Variants in ITPR1 observed in about 807,000 individuals in gnomAD.
The protein encoded by ITPR1 is inositol 1,4,5-trisphosphate-gated calcium channel ITPR1.
Under a neutral mutation model 318.4 loss-of-function variants are expected in ITPR1, and 96 were observed. The observed-to-expected ratio is 0.30, with a 90% CI of 0.26 to 0.36. The LOEUF is 0.36. Ranked by LOEUF, ITPR1 falls within the 10% of genes least tolerant of loss-of-function variation. ITPR1 has a pLI of 1.00. For synonymous variants in ITPR1, 1,312 were observed against 1,289.9 expected (o/e 1.02, Z -0.37); for missense variants, 2,440 against 3,460.2 (o/e 0.71, Z 7.40).
At chr3:4,533,251 C>T (rs60515829) in intron 4 of ITPR1, among the ~76,000 whole-genome samples, 1,599 of 152,336 alleles carry the variant, frequency 0.01, 24 homozygotes, top group African/African-American at 0.037. Context: ...CTTTCTAAGT[C>T]AAGGCTTGCC....
At chr3:4,596,477 G>C (rs1285201635) in intron 4 of ITPR1, among the ~76,000 whole-genome samples, 2 of 152,156 alleles carry the variant, frequency 1.3e-5, no homozygotes, top group African/African-American at 4.8e-5. Flanking sequence ...CTTATTTAAA[G>C]CTAGCACGGT....
At chr3:4,750,779 CACACCT>C (rs2044446165) in intron 44 of ITPR1, 1 of 151,604 alleles carries the variant, frequency 6.6e-6, no homozygotes, top group Admixed American at 6.6e-5. Context: ...CCTTGTTTCT[CACACCT>C]ACTCATGATT....
intron 4 of ITPR1, among the ~76,000 whole-genome samples, chr3:4,555,074 A>G (rs1345744835): frequency 6.6e-6 from 1 of 152,194 alleles, no homozygotes; most frequent in Non-Finnish European, 1.5e-5. Flanking sequence ...ACAACACACC[A>G]TGTTCCATAG....
chr3:4,759,243 G>A lies in ITPR1; in HGVS notation c.5545-7287G>A, dbSNP rs75389282. Among the ~76,000 whole-genome samples the A allele has an allele frequency of 3.9e-5, 6 of 152,350 alleles. No individual in the cohort carries two copies. In the East Asian group the frequency reaches 1.2e-3, roughly 29 times the overall value. On this transcript the variant is annotated intron_variant, in intron 44 of 61. Transcript: ENST00000649015. ...TGCAAGGACTTGCAGGGCTGGGGGA[G>A]GATGGGGGAGCCAGGCTAATTAAGC...
rs562425140 is a variant in ITPR1 at position 4,541,030 on chromosome 3, A to C, written c.163+19936A>C. 3.3e-5 allele frequency among the ~76,000 whole-genome samples: 5 copies of C among 152,256 alleles called. No individual in the cohort carries two copies. The South Asian group carries it at 1.0e-3, about 32-fold the overall frequency. ...TTAATTAACCCTAAAGTTTATAACT[A>C]TCATTATTCTCTCCTACAATACTAG... On this transcript the variant is annotated intron_variant, in intron 4 of 61. Coordinates refer to ENST00000649015, the MANE Select transcript of ITPR1 (RefSeq NM_001378452.1).
intron 4 of ITPR1, among the ~76,000 whole-genome samples, chr3:4,557,116 T>G (rs2086206781): frequency 6.6e-6 from 1 of 152,222 alleles, no homozygotes; most frequent in African/African-American, 2.4e-5. Context: ...TGTATTAGTC[T>G]GTTCTCACGC....
At chr3:4,803,522 C>T (rs1035692143) in intron 54 of ITPR1, among the ~76,000 whole-genome samples, 2 of 152,130 alleles carry the variant, frequency 1.3e-5, no homozygotes, top group African/African-American at 2.4e-5. Context: ...ACGCTGTTAA[C>T]GTGAGCTGCG....
At chr3:4,550,940 T>A (rs2085503560) in intron 4 of ITPR1, among the ~76,000 whole-genome samples, 1 of 151,662 alleles carries the variant, frequency 6.6e-6, no homozygotes, top group South Asian at 2.1e-4. Context: ...TTGAGATGAC[T>A]CCACTAGGAA....
chr3:4,559,164 GTT>G (rs5846326), intron 4 of ITPR1, among the ~76,000 whole-genome samples: 17 of 147,998 alleles, frequency 1.1e-4, no homozygotes, highest in Admixed American at 2.0e-4. Context: ...TGAAAAAGTT[GTT>G]TTTTTTTTTT....
rs767821093 is a variant in ITPR1, at chr3:4,836,920, G to C, written c.8175G>C (p.Ser2725=). 6.3e-7 allele frequency: 1 copy of C among 1,585,566 alleles called. No homozygotes were observed. Among genetic ancestry groups the C allele is most frequent in the Non-Finnish European group, 8.6e-7 (1 of 1,159,958 alleles). Residue 2725 remains serine (S), a synonymous_variant, in exon 61 of 62, where the codon TCG becomes TCC. Transcript: ENST00000649015. ...KLVTNLSGQL[S]ELKDQMTEQR... is the part of the protein sequence containing the mutation. ...TCACGAACCTTTCTGGCCAGCTGTCGGAATTAAAGGATCAGGTAAAGAAAG... is the reference window on the plus strand; with the variant it reads ...TCACGAACCTTTCTGGCCAGCTGTCCGAATTAAAGGATCAGGTAAAGAAAG...
intron 4 of ITPR1, among the ~76,000 whole-genome samples, chr3:4,561,426 T>G (rs1161513019): frequency 6.6e-6 from 1 of 152,214 alleles, no homozygotes; most frequent in Non-Finnish European, 1.5e-5. Flanking sequence ...GCTTTCCAGC[T>G]TTTTTCTTTG....
chr3:4,754,743 A>T (rs750269694), intron 44 of ITPR1, among the ~76,000 whole-genome samples: 1 of 152,096 alleles, frequency 6.6e-6, no homozygotes, highest in Non-Finnish European at 1.5e-5. Flanking sequence ...CCACCAGAAC[A>T]CCTTCTTGCC....
At chr3:4,629,157 G>C (rs2092935421) in intron 5 of ITPR1, among the ~76,000 whole-genome samples, 1 of 152,114 alleles carries the variant, frequency 6.6e-6, no homozygotes, top group South Asian at 2.1e-4. Context: ...CCCCCACAGA[G>C]GCTTCTTAAC....
At chr3:4,583,266 T>C (rs940993755) in intron 4 of ITPR1, among the ~76,000 whole-genome samples, 1 of 152,218 alleles carries the variant, frequency 6.6e-6, no homozygotes, top group African/African-American at 2.4e-5. Context: ...ATAATATCCA[T>C]GTTATATCTG....
intron 12 of ITPR1, among the ~76,000 whole-genome samples, chr3:4,657,777 TTG>T (rs1559628883): frequency 1.1e-4 from 16 of 152,190 alleles, no homozygotes; most frequent in Admixed American, 9.2e-4. Context: ...GGCTAATTTT[TTG>T]TATCTTTAGT....
At chr3:4,637,229 C>T (rs1049912134) in intron 5 of ITPR1, among the ~76,000 whole-genome samples, 4 of 152,186 alleles carry the variant, frequency 2.6e-5, no homozygotes, top group Non-Finnish European at 5.9e-5. Context: ...TATTTTCCCC[C>T]TCTTGAGTTT....
intron 4 of ITPR1, among the ~76,000 whole-genome samples, chr3:4,589,205 A>G (rs561149257): frequency 6.6e-6 from 1 of 152,006 alleles, no homozygotes; most frequent in Non-Finnish European, 1.5e-5. Flanking sequence ...TAAAACTGCA[A>G]CCTAGGAGAC....
chr3:4,836,786 G>A lies in ITPR1; in HGVS notation c.8041G>A (p.Asp2681Asn). 2 of 952,164 alleles carry A rather than the reference G, an allele frequency of 2.1e-6. No homozygotes were observed. The highest frequency in any genetic ancestry group is 2.8e-6 in the Non-Finnish European group (2 of 706,842). The allele number at this position is 952,164 out of a possible 1,614,324, so 59.0% of individuals were successfully genotyped here. ...ATGTGGATTCTAGGAAAGAAACCTTGACTGGTTCCCCAGGATGAGAGCCAT... is the reference window on the plus strand; with the variant it reads ...ATGTGGATTCTAGGAAAGAAACCTTAACTGGTTCCCCAGGATGAGAGCCAT... ...VAEMIKERNL[D>N]WFPRMRAMSL... Residue 2681 changes from aspartate (D) to asparagine (N), a missense_variant, in exon 61 of 62, where the codon GAC becomes AAC. Around this residue, in one of 23 missense-constraint regions of ITPR1, gnomAD observed 72 missense variants for 197.7 expected, o/e 0.36. Transcript: ENST00000649015.
At chr3:4,678,436 A>G (rs2094228208) in intron 24 of ITPR1, among the ~76,000 whole-genome samples, 1 of 152,080 alleles carries the variant, frequency 6.6e-6, no homozygotes. Context: ...CTTGAGGTCC[A>G]CTCACCGTGG....
Sources: gnomAD v4.1 joint callset for allele counts (sites outside exome capture counted in the v4.1 genomes callset) on GRCh38, gnomAD v4.1.1 for gene constraint, gnomAD v4.1.1 regional missense constraint, MANE v1.5 for transcripts, NCBI Gene and HGNC (gene_info 2026-07-23, HGNC 2026-07-21) for gene names.